The following GRIK2 variants were observed in gnomAD, a reference collection of about 807,000 sequenced individuals.
GRIK2 encodes glutamate ionotropic receptor kainate type subunit 2.
GRIK2 carries 32 observed loss-of-function variants against 100.3 expected under a neutral mutation model. The observed-to-expected ratio is 0.32, with a 90% confidence interval of 0.24 to 0.43. The LOEUF (loss-of-function observed/expected upper bound fraction) is 0.43. GRIK2 is among the 20% of genes least tolerant of loss of function. The pLI is 1.00. For synonymous variants in GRIK2, 417 were observed against 389.4 expected (o/e 1.07, Z -0.83); for missense variants, 843 against 1,114.9 (o/e 0.76, Z 3.47).
chr6:102,029,910 A>G (rs1368712563), intron 14 of GRIK2, among the ~76,000 whole-genome samples: 3 of 151,258 alleles, frequency 2.0e-5, no homozygotes, highest in Admixed American at 6.6e-5. Context: ...CTTTCCTGGT[A>G]TCTTATCTGT....
chr6:101,580,658 A>C (rs1372433821), intron 2 of GRIK2, among the ~76,000 whole-genome samples: 2 of 152,046 alleles, frequency 1.3e-5, no homozygotes, highest in Admixed American at 1.3e-4. Context: ...GGCCCTAACT[A>C]ACCCCCACTT....
chr6:101,910,738 A>G (rs1183172853), intron 12 of GRIK2, among the ~76,000 whole-genome samples: 1 of 151,204 alleles, frequency 6.6e-6, no homozygotes, highest in Non-Finnish European at 1.5e-5. Context: ...AATTGAAACA[A>G]AGAAGATCAT....
chr6:102,038,948 C>T (rs751312187), intron 15 of GRIK2, among the ~76,000 whole-genome samples: 8 of 151,198 alleles, frequency 5.3e-5, no homozygotes, highest in Non-Finnish European at 4.4e-5. Flanking sequence ...TCAAGAAAGC[C>T]TATGTGGTTT....
intron 2 of GRIK2, among the ~76,000 whole-genome samples, chr6:101,484,578 G>A (rs940228524): frequency 1.4e-5 from 2 of 141,690 alleles, no homozygotes; most frequent in African/African-American, 5.1e-5. Context: ...CATATATATG[G>A]GATATGCTAA....
At chr6:101,801,345 T>C (rs548974939) in intron 8 of GRIK2, among the ~76,000 whole-genome samples, 1 of 152,072 alleles carries the variant, frequency 6.6e-6, no homozygotes, top group Non-Finnish European at 1.5e-5. Context: ...TGTTTAACTT[T>C]AGCAAAGACA....
intron 2 of GRIK2, among the ~76,000 whole-genome samples, chr6:101,409,102 TTGTGTATGTG>T (rs1184885013): frequency 0.014 from 1,930 of 133,712 alleles, 42 homozygotes; most frequent in African/African-American, 0.054. Context: ...ACCTGAAACA[TTGTGTATGTG>T]TGTGTGTGTG....
chr6:101,595,716 G>GTATATATATATATATATATATATA (rs751726535), intron 2 of GRIK2, among the ~76,000 whole-genome samples: 9 of 133,758 alleles, frequency 6.7e-5, no homozygotes, highest in African/African-American at 8.6e-5. Context: ...GTGTGTGTGT[G>GTATATATATATATATATATATATA]TGTATATATA....
chr6:101,750,612 C>A (rs1467024053), intron 7 of GRIK2, among the ~76,000 whole-genome samples: 1 of 152,138 alleles, frequency 6.6e-6, no homozygotes, highest in African/African-American at 2.4e-5. Flanking sequence ...CAAGACTTAT[C>A]AATATCTCAA....
At chr6:101,529,170 T>A (rs1048454920) in intron 2 of GRIK2, among the ~76,000 whole-genome samples, 15 of 152,110 alleles carry the variant, frequency 9.9e-5, no homozygotes, top group African/African-American at 3.6e-4. Context: ...TATTTTGGGA[T>A]CTACTGACCA....
intron 9 of GRIK2, among the ~76,000 whole-genome samples, chr6:101,804,406 T>C (rs1780859139): frequency 6.6e-6 from 1 of 151,972 alleles, no homozygotes; most frequent in Non-Finnish European, 1.5e-5. Context: ...TATGGGTTAC[T>C]TGGGAAGATA....
intron 7 of GRIK2, among the ~76,000 whole-genome samples, chr6:101,786,876 G>A (rs891748505): frequency 6.6e-6 from 1 of 152,072 alleles, no homozygotes; most frequent in African/African-American, 2.4e-5. Context: ...TTAACAGGTA[G>A]TTTGAGTAGA....
intron 2 of GRIK2, among the ~76,000 whole-genome samples, chr6:101,608,307 C>T (rs569281173): frequency 6.6e-6 from 1 of 151,942 alleles, no homozygotes; most frequent in South Asian, 2.1e-4. Flanking sequence ...TGCATTTTAA[C>T]GATTGCACAG....
chr6:101,399,740 G>T (rs1775182113), intron 2 of GRIK2, among the ~76,000 whole-genome samples: 1 of 152,174 alleles, frequency 6.6e-6, no homozygotes, highest in African/African-American at 2.4e-5. Context: ...TGCGCGGTCC[G>T]CGCAAAAGTG....
chr6:101,878,862 C>A (rs1786051554), intron 11 of GRIK2, among the ~76,000 whole-genome samples: 1 of 152,108 alleles, frequency 6.6e-6, no homozygotes, highest in South Asian at 2.1e-4. Context: ...GGTTCAGATT[C>A]TTTTGACTAC....
intron 2 of GRIK2, among the ~76,000 whole-genome samples, chr6:101,450,837 T>G (rs1195354687): frequency 6.6e-6 from 1 of 150,858 alleles, no homozygotes; most frequent in Non-Finnish European, 1.5e-5. Flanking sequence ...ACTGAGGGAG[T>G]AGAGTAAGAG....
intron 2 of GRIK2, among the ~76,000 whole-genome samples, chr6:101,555,572 T>G (rs1016927279): frequency 6.6e-6 from 1 of 152,208 alleles, no homozygotes; most frequent in African/African-American, 2.4e-5. Context: ...ATCTAAAATT[T>G]TATGTAATAG....
At chr6:101,787,623 G>C (rs1779520106) in intron 7 of GRIK2, among the ~76,000 whole-genome samples, 1 of 151,954 alleles carries the variant, frequency 6.6e-6, no homozygotes, top group South Asian at 2.1e-4. Flanking sequence ...AATTCTTCTT[G>C]TTATTGATTT....
At chr6:101,497,787 T>C (rs1326551653) in intron 2 of GRIK2, among the ~76,000 whole-genome samples, 1 of 152,110 alleles carries the variant, frequency 6.6e-6, no homozygotes, top group East Asian at 1.9e-4. Context: ...AATATAAATT[T>C]ATGGCTAAAA....
intron 2 of GRIK2, among the ~76,000 whole-genome samples, chr6:101,506,945 G>A (rs949773935): frequency 6.6e-5 from 10 of 152,044 alleles, no homozygotes; most frequent in Non-Finnish European, 1.5e-4. Flanking sequence ...GTTCACTTGC[G>A]TTATTCAGAC....
Sources: gnomAD v4.1 joint callset for allele counts (sites outside exome capture counted in the v4.1 genomes callset) on GRCh38, gnomAD v4.1.1 for gene constraint, MANE v1.5 for transcripts, NCBI Gene and HGNC (gene_info 2026-07-23, HGNC 2026-07-21) for gene names.